RABGEF1: variants seen among roughly 807,000 people sequenced by gnomAD.
The protein encoded by RABGEF1 is rab5 GDP/GTP exchange factor.
In RABGEF1, 26 loss-of-function variants were observed where a neutral mutation model predicts 57.3. The ratio of observed to expected loss-of-function variants is 0.45; its 90% CI spans 0.33 to 0.63. RABGEF1 has a LOEUF of 0.63. Among genes scored for constraint, RABGEF1 ranks in the 20% least tolerant of loss-of-function variants. The pLI, the probability that RABGEF1 is intolerant of heterozygous loss-of-function variation, is 0.02. For synonymous variants in RABGEF1, 185 were observed against 210.7 expected (o/e 0.88, Z 1.06); for missense variants, 464 against 607.6 (o/e 0.76, Z 2.48).
rs372633308 is a variant in RABGEF1 at position 66,782,346 on chromosome 7, A to G, written c.347-1329A>G. ...GCTTTGTTTCTCCCACTTTCAGACA[A>G]CTTTTGTTACTAGTTTCTTGTGTAT... On this transcript the variant is annotated intron_variant, in intron 3 of 8. Coordinates refer to ENST00000284957, the MANE Select transcript of RABGEF1 (RefSeq NM_014504.3). Among the ~76,000 whole-genome samples, 53 of 151,906 alleles carry G rather than the reference A, an allele frequency of 3.5e-4. No homozygotes were observed. In the East Asian group the frequency reaches 6.2e-3, roughly 18 times the overall value.
the RABGEF1 span, among the ~76,000 whole-genome samples, chr7:66,663,102 C>T: frequency 2.8e-4 from 42 of 152,356 alleles, no homozygotes; most frequent in East Asian, 1.3e-3. Flanking sequence ...ATAACATGAG[C>T]GCTCTGTGTC....
chr7:66,693,751 A>G (rs989021452), intron 1 of RABGEF1, among the ~76,000 whole-genome samples: 3 of 152,154 alleles, frequency 2.0e-5, no homozygotes, highest in African/African-American at 7.2e-5. Flanking sequence ...CCCTCAGGGA[A>G]TCATTCATTC....
the RABGEF1 span, among the ~76,000 whole-genome samples, chr7:66,665,953 G>C: frequency 6.6e-6 from 1 of 152,246 alleles, no homozygotes; most frequent in Non-Finnish European, 1.5e-5. Context: ...GTCAAGGAAG[G>C]CTTCTTGGAG....
At chr7:66,660,347 C>CAAA in the RABGEF1 span, among the ~76,000 whole-genome samples, 3 of 82,662 alleles carry the variant, frequency 3.6e-5, no homozygotes, top group African/African-American at 4.6e-5. Context: ...GACTCCATCT[C>CAAA]AAAAAAAAAA....
At chr7:66,736,540 A>G (rs1797963149), upstream of RABGEF1, among the ~76,000 whole-genome samples, 1 of 152,142 alleles carries the variant, frequency 6.6e-6, no homozygotes, top group Admixed American at 6.6e-5. Context: ...TGAGCTCTAG[A>G]GCAGTGATAA....
chr7:66,705,032 A>AT (rs1189717290), intron 1 of RABGEF1, among the ~76,000 whole-genome samples: 1 of 152,048 alleles, frequency 6.6e-6, no homozygotes, highest in African/African-American at 2.4e-5. Flanking sequence ...TAAGTATTTC[A>AT]TTTTTGGGAG....
intron 4 of RABGEF1, among the ~76,000 whole-genome samples, chr7:66,784,060 G>T (rs1810583580): frequency 6.6e-6 from 1 of 152,158 alleles, no homozygotes; most frequent in African/African-American, 2.4e-5. Flanking sequence ...ATCTTTGTGT[G>T]GAAATTCTGA....
At chr7:66,691,421 T>C (rs1215286455) in intron 1 of RABGEF1, among the ~76,000 whole-genome samples, 5 of 152,188 alleles carry the variant, frequency 3.3e-5, no homozygotes, top group African/African-American at 4.8e-5. Flanking sequence ...TATATCCATA[T>C]AGTGGGATAG....
chr7:66,774,608 T>C (rs1406169223), intron 2 of RABGEF1, among the ~76,000 whole-genome samples: 2 of 152,136 alleles, frequency 1.3e-5, no homozygotes, highest in East Asian at 3.9e-4. Context: ...CTATTCAGCC[T>C]TATTAGTCAG....
chr7:66,670,341 C>G, the RABGEF1 span, among the ~76,000 whole-genome samples: 5 of 150,970 alleles, frequency 3.3e-5, no homozygotes, highest in Non-Finnish European at 7.4e-5. Flanking sequence ...GAGATGGAGT[C>G]TCATGCTGTC....
At chr7:66,801,781 A>C (rs1227852710) in intron 7 of RABGEF1, among the ~76,000 whole-genome samples, 1 of 152,156 alleles carries the variant, frequency 6.6e-6, no homozygotes, top group Admixed American at 6.5e-5. Flanking sequence ...CTGTTGACAG[A>C]CACCCTTTCC....
At chr7:66,661,851 G>A in the RABGEF1 span, among the ~76,000 whole-genome samples, 22 of 152,176 alleles carry the variant, frequency 1.4e-4, no homozygotes, top group Admixed American at 1.3e-4. Flanking sequence ...ATGAACATTG[G>A]TTAAAAAATT....
chr7:66,703,324 G>A (rs1203545330), intron 1 of RABGEF1, among the ~76,000 whole-genome samples: 1 of 151,994 alleles, frequency 6.6e-6, no homozygotes. Context: ...TTTTTCTTTT[G>A]TTGCTTGTAC....
chr7:66,691,447 A>G (rs1037379703), intron 1 of RABGEF1, among the ~76,000 whole-genome samples: 1 of 152,220 alleles, frequency 6.6e-6, no homozygotes, highest in Non-Finnish European at 1.5e-5. Flanking sequence ...AGAACAAAAT[A>G]TATGTAGAAT....
At chr7:66,782,461 CTTACT>C (rs1810165910) in intron 3 of RABGEF1, among the ~76,000 whole-genome samples, 1 of 146,784 alleles carries the variant, frequency 6.8e-6, no homozygotes, top group Admixed American at 6.8e-5. Context: ...GTGTACATAC[CTTACT>C]TTTTTTTTTT....
chr7:66,752,895 G>A (rs574616348), intron 1 of RABGEF1, among the ~76,000 whole-genome samples: 1 of 152,332 alleles, frequency 6.6e-6, no homozygotes, highest in East Asian at 1.9e-4. Context: ...AAAAGTGAGA[G>A]AACACTGTCT....
the RABGEF1 span, among the ~76,000 whole-genome samples, chr7:66,667,947 G>A: frequency 6.6e-6 from 1 of 151,980 alleles, no homozygotes; most frequent in Admixed American, 6.6e-5. Flanking sequence ...ATAGGCACAT[G>A]CCACCACGCC....
chr7:66,776,773 A>G (rs1042150918), intron 3 of RABGEF1, among the ~76,000 whole-genome samples: 42 of 152,354 alleles, frequency 2.8e-4, no homozygotes, highest in African/African-American at 9.9e-4. Context: ...AGTTGTAGCA[A>G]TTTTATCTCT....
At chr7:66,681,803 T>C (rs1460710593), upstream of RABGEF1, among the ~76,000 whole-genome samples, 1 of 152,192 alleles carries the variant, frequency 6.6e-6, no homozygotes, top group Non-Finnish European at 1.5e-5. Context: ...CCACCTCCCA[T>C]TCGCGCTTCC....
Sources: gnomAD v4.1 joint callset for allele counts (sites outside exome capture counted in the v4.1 genomes callset) on GRCh38, gnomAD v4.1.1 for gene constraint, MANE v1.5 for transcripts, NCBI Gene and HGNC (gene_info 2026-07-23, HGNC 2026-07-21) for gene names.